LAMB1: variants seen among roughly 807,000 people sequenced by gnomAD.
LAMB1 encodes laminin subunit beta-1.
A neutral mutation model predicts 222.3 loss-of-function variants in LAMB1; 121 were observed. The ratio of observed to expected loss-of-function variants is 0.54; its 90% CI spans 0.47 to 0.63. The LOEUF (loss-of-function observed/expected upper bound fraction) is 0.63, where lower values mean the gene tolerates loss of function less well. Among genes scored for constraint, LAMB1 ranks in the 30% least tolerant of loss-of-function variants. The pLI, the probability that LAMB1 is intolerant of heterozygous loss-of-function variation, is 0.00. For synonymous variants in LAMB1, 794 were observed against 807.2 expected (o/e 0.98, Z 0.28); for missense variants, 2,172 against 2,240.8 (o/e 0.97, Z 0.62).
chr7:107,935,088 G>A (rs1281902108), intron 27 of LAMB1, among the ~76,000 whole-genome samples: 1 of 151,918 alleles, frequency 6.6e-6, no homozygotes, highest in Admixed American at 6.6e-5. Context: ...TGTCCACAGT[G>A]TAAAAAGGAT....
Position 107,974,822 on chromosome 7 carries a change from G to T in LAMB1, c.1482+164C>A, listed in dbSNP as rs555728526. 3.9e-5 allele frequency among the ~76,000 whole-genome samples: 6 copies of T among 152,348 alleles called. No homozygotes were observed. The South Asian group carries it at 1.2e-3, about 32-fold the overall frequency. On this transcript the variant is annotated intron_variant, in intron 12 of 33. Coordinates refer to ENST00000222399, the MANE Select transcript of LAMB1 (RefSeq NM_002291.3). Reference sequence around the variant, plus strand: ...TTCTAACAGGGATGGTGAACATCTTGTGAAATCATCCATTAGTAATTCCTA... The same window carrying T: ...TTCTAACAGGGATGGTGAACATCTTTTGAAATCATCCATTAGTAATTCCTA...
In LAMB1 at chr7:107,924,649, T is replaced by C. The variant is rs183482636; in HGVS notation, c.5065-260A>G. 5.3e-5 allele frequency among the ~76,000 whole-genome samples: 8 copies of C among 152,340 alleles called. No homozygotes were observed. In the East Asian group the frequency reaches 1.5e-3, roughly 29 times the overall value. ...CATTCTCCTGATTATTACTTTTCTA[T>C]AGAAAAGTTGTAGCATAATTGTATT... On this transcript the variant is annotated intron_variant, in intron 32 of 33. Transcript: ENST00000222399.
intron 5 of LAMB1, among the ~76,000 whole-genome samples, chr7:107,989,596 C>A (rs879603147): frequency 6.6e-6 from 1 of 152,068 alleles, no homozygotes; most frequent in Non-Finnish European, 1.5e-5. Flanking sequence ...AAAATGATAC[C>A]GTATTCAACT....
At position 107,931,463 on chromosome 7, in the gene LAMB1, T is replaced by C. The variant is rs762493117; in HGVS notation, c.4430A>G (p.Gln1477Arg). ...EAKLRADEAK[Q>R]SAEDILLKTN... ...CTTCAACAGAATGTCTTCAGCACTT[T>C]GTTTTGCCTCATCTGCCCTCAGTTT... Residue 1477 changes from glutamine (Q) to arginine (R), a missense_variant, in exon 29 of 34, where the codon CAA (glutamine) becomes CGA (arginine). Gln to Arg is a conservative substitution (Grantham distance 43, BLOSUM62 1). Coordinates refer to ENST00000222399, the MANE Select transcript of LAMB1 (RefSeq NM_002291.3). 1 of 1,613,828 alleles carries C rather than the reference T, an allele frequency of 6.2e-7. No individual in the cohort carries two copies. Among genetic ancestry groups the C allele is most frequent in the South Asian group, 1.1e-5 (1 of 91,056 alleles).
intron 2 of LAMB1, chr7:108,002,127 C>A (rs1297382487): frequency 1.4e-6 from 2 of 1,474,050 alleles, no homozygotes; most frequent in Non-Finnish European, 1.8e-6. Flanking sequence ...GGCCACACAC[C>A]CACGCACGTG....
At chr7:107,966,843 T>G (rs1486625844) in intron 13 of LAMB1, among the ~76,000 whole-genome samples, 2 of 152,222 alleles carry the variant, frequency 1.3e-5, no homozygotes, top group African/African-American at 4.8e-5. Context: ...AAGGAATGGC[T>G]CCATGAGAGC....
intron 5 of LAMB1, among the ~76,000 whole-genome samples, chr7:107,987,192 G>A (rs1434004278): frequency 6.6e-6 from 1 of 152,150 alleles, no homozygotes; most frequent in Non-Finnish European, 1.5e-5. Context: ...AGAGAAATAA[G>A]CCACACAAAA....
intron 5 of LAMB1, among the ~76,000 whole-genome samples, chr7:107,989,064 C>T (rs2034134420): frequency 6.6e-6 from 1 of 152,142 alleles, no homozygotes; most frequent in African/African-American, 2.4e-5. Context: ...CTATCTTTCT[C>T]CCTCACTGGC....
At chr7:107,973,188 T>A in intron 12 of LAMB1, 117 bp from the exon 13 acceptor site, 1 of 842,208 alleles carries the variant, frequency 1.2e-6, no homozygotes, top group Non-Finnish European at 2.0e-6. Context: ...TTTTCATCAT[T>A]AAAGCAGAAA....
At chr7:107,958,929 T>A (rs1286871549) in intron 20 of LAMB1, among the ~76,000 whole-genome samples, 2 of 152,218 alleles carry the variant, frequency 1.3e-5, no homozygotes, top group Admixed American at 6.5e-5. Flanking sequence ...TTCACAACTC[T>A]TATCCTCCGC....
intron 5 of LAMB1, among the ~76,000 whole-genome samples, chr7:107,993,100 T>G (rs532199929): frequency 1.3e-5 from 2 of 152,108 alleles, no homozygotes; most frequent in Non-Finnish European, 2.9e-5. Context: ...ACCCGAAGGA[T>G]GAGTTGTTTT....
At position 107,995,972 on chromosome 7, in the gene LAMB1, T is replaced by C. The variant is rs138741898; in HGVS notation, c.350-1012A>G. On this transcript the variant is annotated intron_variant, in intron 4 of 33. Coordinates refer to ENST00000222399, the MANE Select transcript of LAMB1 (RefSeq NM_002291.3). ...GGGCGGGGGGTGAGGAAAGTGGTCA[T>C]TGGAACGGATATGAGTTAGCTGGAA... 2.8e-3 allele frequency among the ~76,000 whole-genome samples: 423 copies of C among 152,288 alleles called. 1 individual carries two copies. Among genetic ancestry groups the C allele is most frequent in the African/African-American group, 9.6e-3 (401 of 41,558 alleles).
In LAMB1 at chr7:107,932,389, C is replaced by T. The variant is rs185943619; in HGVS notation, c.4189-12G>A. ...GGTGTTCCACAGGTCTGCAACAAGC[C>T]AAGGATCAGGCACAATACTTCGGAT... On this transcript the variant is annotated splice_polypyrimidine_tract_variant and intron_variant, in intron 27 of 33. Coordinates refer to ENST00000222399, the MANE Select transcript of LAMB1 (RefSeq NM_002291.3). 6.2e-7 allele frequency: 1 copy of T among 1,613,654 alleles called. No individual in the cohort carries two copies. Among genetic ancestry groups the T allele is most frequent in the Admixed American group, 1.7e-5 (1 of 60,006 alleles).
At chr7:107,994,368 C>A (rs1182500478) in intron 5 of LAMB1, among the ~76,000 whole-genome samples, 1 of 152,138 alleles carries the variant, frequency 6.6e-6, no homozygotes, top group Admixed American at 6.6e-5. Context: ...TTAGCTGAAA[C>A]TAAATAATAA....
intron 29 of LAMB1, among the ~76,000 whole-genome samples, chr7:107,930,370 C>T (rs925959384): frequency 8.5e-5 from 13 of 152,196 alleles, no homozygotes; most frequent in African/African-American, 3.1e-4. Flanking sequence ...AAAATATGTA[C>T]TTGAATGATG....
intron 25 of LAMB1, among the ~76,000 whole-genome samples, chr7:107,939,109 G>GA (rs139019909): frequency 0.011 from 1,740 of 152,244 alleles, 34 homozygotes; most frequent in African/African-American, 0.04. Context: ...AGTCTGCAGT[G>GA]AAAAAACCAT....
intron 14 of LAMB1, 53 bp from the exon 15 acceptor site, chr7:107,963,116 T>C: frequency 6.8e-7 from 1 of 1,470,844 alleles, no homozygotes; most frequent in Non-Finnish European, 9.2e-7. Context: ...AATTCAATAA[T>C]TTTCAATAGT....
At chr7:107,959,529 G>A (rs1233001758) in intron 19 of LAMB1, 49 bp from the exon 20 acceptor site, 2 of 1,609,412 alleles carry the variant, frequency 1.2e-6, no homozygotes, top group Non-Finnish European at 8.5e-7. Context: ...TCATTCAATG[G>A]AAACATGCTC....
intron 13 of LAMB1, among the ~76,000 whole-genome samples, chr7:107,965,089 A>G (rs117691988): frequency 1.3e-5 from 2 of 152,312 alleles, no homozygotes; most frequent in East Asian, 3.9e-4. Context: ...CGGATCTAAG[A>G]CAGAAGCCCT....
Sources: allele counts gnomAD v4.1 joint callset (sites outside exome capture counted in the v4.1 genomes callset), GRCh38; gene constraint gnomAD v4.1.1; transcripts MANE v1.5; gene names NCBI Gene and HGNC (gene_info 2026-07-23, HGNC 2026-07-21).